AFF2: variants seen among roughly 807,000 people sequenced by gnomAD.
AFF2 encodes the protein AF4/FMR2 family member 2.
A neutral mutation model predicts 76.9 loss-of-function variants in AFF2; 14 were observed. The ratio of observed to expected loss-of-function variants is 0.18; its 90% CI spans 0.12 to 0.28. The LOEUF is 0.28. AFF2 is among the 10% of genes least tolerant of loss of function. The pLI, the probability that AFF2 is intolerant of heterozygous loss-of-function variation, is 1.00. For missense variants in AFF2, 868 were observed against 1,001.1 expected, an observed-to-expected ratio of 0.87 and a Z score of 1.79; for synonymous variants, 398 against 366.7, an observed-to-expected ratio of 1.09 and a Z score of -0.98.
intron 3 of AFF2, among the ~76,000 whole-genome samples, chrX:148,681,610 G>GAAGA (rs370085084): frequency 2.4e-3 from 232 of 95,618 alleles, no homozygotes; most frequent in Middle Eastern, 5.0e-3. Flanking sequence ...AGAAAGGAAA[G>GAAGA]AAGAAAGAAA....
At chrX:148,581,445 T>A in intron 1 of AFF2, among the ~76,000 whole-genome samples, 1 of 25,293 alleles carries the variant, frequency 4.0e-5, no homozygotes, top group African/African-American at 1.1e-4. Context: ...CACACATATA[T>A]ACGTATACGT....
At chrX:148,967,230 C>T (rs782024196) in intron 14 of AFF2, 151 bp downstream of exon 14, 53 of 805,507 alleles carry the variant, frequency 6.6e-5, no homozygotes, top group Non-Finnish European at 8.2e-5. Context: ...CCCCTGCATA[C>T]ACACTCACCA....
rs782629813 is a variant in AFF2 at position 148,796,637 on chromosome X, G to A, written c.1042-13239G>A. ...TGACACTGCACCTTTGAGGCTGTGG[G>A]TTGGTTCACATAAGATAAAAATCTG... is the stretch of plus-strand genomic sequence containing the variant. On this transcript the variant is annotated intron_variant, in intron 3 of 20. Coordinates refer to ENST00000370460, the MANE Select transcript of AFF2 (RefSeq NM_002025.4). Among the ~76,000 whole-genome samples the A allele has an allele frequency of 6.2e-5, 7 of 112,214 alleles. No homozygotes were observed. In the East Asian group the frequency reaches 1.7e-3, roughly 27 times the overall value.
At chrX:148,874,284 A>G (rs73609927) in intron 7 of AFF2, among the ~76,000 whole-genome samples, 4,313 of 112,054 alleles carry the variant, frequency 0.038, 181 homozygotes, top group African/African-American at 0.13. Flanking sequence ...ACATTGATAT[A>G]AGAACCAGGC....
intron 3 of AFF2, among the ~76,000 whole-genome samples, chrX:148,740,352 T>TC (rs368077261): frequency 1.2e-4 from 13 of 111,711 alleles, no homozygotes; most frequent in Middle Eastern, 4.6e-3. Flanking sequence ...ATTTTCTTAT[T>TC]TTTTTTTCTT....
chrX:148,781,903 G>A (rs1266614246), intron 3 of AFF2, among the ~76,000 whole-genome samples: 1 of 111,554 alleles, frequency 9.0e-6, no homozygotes, highest in African/African-American at 3.3e-5. Context: ...GGGCTGGATA[G>A]CACCGCCCCT....
chrX:148,953,166 C>T (rs984966784), intron 9 of AFF2, among the ~76,000 whole-genome samples: 2 of 111,727 alleles, frequency 1.8e-5, no homozygotes, highest in Non-Finnish European at 3.8e-5. Flanking sequence ...AGCCCCTTGA[C>T]GAACCTGTGG....
intron 8 of AFF2, among the ~76,000 whole-genome samples, chrX:148,891,883 T>G (rs2124167736): frequency 8.9e-6 from 1 of 112,122 alleles, no homozygotes; most frequent in African/African-American, 3.2e-5. Context: ...AACATCTTAT[T>G]AATATGAATT....
intron 4 of AFF2, among the ~76,000 whole-genome samples, chrX:148,831,630 G>C (rs1358582772): frequency 8.9e-6 from 1 of 111,915 alleles, no homozygotes; most frequent in Non-Finnish European, 1.9e-5. Flanking sequence ...TCCTATCAGG[G>C]AGGAGCAGAG....
chrX:148,710,794 T>C (rs1346232203), intron 3 of AFF2, among the ~76,000 whole-genome samples: 1 of 111,660 alleles, frequency 9.0e-6, no homozygotes, highest in Non-Finnish European at 1.9e-5. Context: ...TAGGTATATG[T>C]CATAGCCCTT....
rs868920211 is a variant in AFF2 at position 148,995,489 on chromosome X, G to A, written c.*4157G>A. 3 of 90,815 alleles carry A rather than the reference G, an allele frequency of 3.3e-5. No individual in the cohort carries two copies. The highest frequency in any genetic ancestry group is 1.2e-4 in the Admixed American group (1 of 8,495). The allele number at this position is 90,815 out of a possible 1,213,427, so 7.5% of individuals were successfully genotyped here. ...GGGCAGAAAGGGGGTGGGGGTGGGG[G>A]CGGGGGGGTGGGGGGTGGGGAAGCC... On this transcript the variant is annotated 3_prime_UTR_variant, in exon 21 of 21. Coordinates refer to ENST00000370460, the MANE Select transcript of AFF2 (RefSeq NM_002025.4).
intron 3 of AFF2, among the ~76,000 whole-genome samples, chrX:148,722,373 T>A (rs782336053): frequency 8.1e-5 from 9 of 111,263 alleles, no homozygotes; most frequent in Non-Finnish European, 1.3e-4. Context: ...TATTTGGGGT[T>A]GCACTGGCTC....
intron 1 of AFF2, among the ~76,000 whole-genome samples, chrX:148,599,325 GA>G (rs1348337154): frequency 2.7e-5 from 3 of 112,160 alleles, no homozygotes; most frequent in African/African-American, 9.7e-5. Flanking sequence ...CTGGACATCA[GA>G]TTCAGGAATT....
At chrX:148,668,253 G>A (rs782348054) in intron 3 of AFF2, among the ~76,000 whole-genome samples, 61 of 113,202 alleles carry the variant, frequency 5.4e-4, no homozygotes, top group South Asian at 1.1e-3. Context: ...TTTGCAGGGC[G>A]TAGCCCCCCT....
rs190446848 is a variant in AFF2 at position 148,851,005 on chromosome X, G to C, written c.1262+7572G>C. Reference sequence around the variant, plus strand: ...ATGGATTATGCTTAGAATTTATAAAGAAACAAACAAAATCCAACTGAGACT... The same window carrying C: ...ATGGATTATGCTTAGAATTTATAAACAAACAAACAAAATCCAACTGAGACT... On this transcript the variant is annotated intron_variant, in intron 7 of 20. Transcript: ENST00000370460. Among the ~76,000 whole-genome samples the C allele has an allele frequency of 3.2e-3, 356 of 112,341 alleles. 2 individuals carry two copies. The highest frequency in any genetic ancestry group is 0.011 in the African/African-American group (343 of 30,931).
At chrX:148,527,971 T>G (rs1313182803) in intron 1 of AFF2, among the ~76,000 whole-genome samples, 2 of 112,009 alleles carry the variant, frequency 1.8e-5, no homozygotes, top group African/African-American at 6.5e-5. Context: ...TATCCTTTCC[T>G]TGACTCTTTT....
intron 3 of AFF2, among the ~76,000 whole-genome samples, chrX:148,728,310 G>A (rs1159516832): frequency 8.9e-6 from 1 of 112,296 alleles, no homozygotes; most frequent in Non-Finnish European, 1.9e-5. Flanking sequence ...TAAAACTGGT[G>A]CAATCCATAG....
At chrX:148,580,881 A>G (rs2053348771) in intron 1 of AFF2, among the ~76,000 whole-genome samples, 1 of 107,459 alleles carries the variant, frequency 9.3e-6, no homozygotes, top group Non-Finnish European at 1.9e-5. Context: ...TTTTATTTTG[A>G]CATACAGAAA....
At chrX:148,925,694 C>T (rs1336786907) in intron 9 of AFF2, among the ~76,000 whole-genome samples, 1 of 112,173 alleles carries the variant, frequency 8.9e-6, no homozygotes, top group African/African-American at 3.2e-5. Flanking sequence ...CTCTTTGTTT[C>T]CCTTCCCTCA....
Sources: allele counts gnomAD v4.1 joint callset (sites outside exome capture counted in the v4.1 genomes callset), GRCh38; gene constraint gnomAD v4.1.1; transcripts MANE v1.5; gene names NCBI Gene and HGNC (gene_info 2026-07-23, HGNC 2026-07-21).